SUMF1: variants seen among roughly 807,000 people sequenced by gnomAD.
SUMF1 encodes the protein sulfatase modifying factor 1, also known as formylglycine-generating enzyme.
SUMF1 carries 48 observed loss-of-function variants against 47.6 expected under a neutral mutation model. The observed-to-expected ratio is 1.01, with a 90% confidence interval of 0.80 to 1.28. The LOEUF is 1.28. Ranked by LOEUF, SUMF1 falls within the 50% of genes most tolerant of loss-of-function variation. SUMF1 has a pLI of 0.00. For missense variants in SUMF1, 571 were observed against 485.4 expected (o/e 1.18, Z -1.66); for synonymous variants, 230 against 192.1 (o/e 1.20, Z -1.63).
intron 8 of SUMF1, among the ~76,000 whole-genome samples, chr3:4,146,462 C>G (rs1336903031): frequency 6.6e-6 from 1 of 151,880 alleles, no homozygotes; most frequent in African/African-American, 2.4e-5. Context: ...CACATGAAAT[C>G]AACACTGTCA....
intron 7 of SUMF1, among the ~76,000 whole-genome samples, chr3:4,399,251 A>C (rs1701132660): frequency 6.6e-6 from 1 of 152,118 alleles, no homozygotes; most frequent in Non-Finnish European, 1.5e-5. Context: ...TAAAGTCAGG[A>C]CTATATTATA....
intron 9 of SUMF1, among the ~76,000 whole-genome samples, chr3:4,055,988 G>A (rs1439232407): frequency 1.3e-5 from 2 of 152,018 alleles, no homozygotes; most frequent in African/African-American, 4.8e-5. Context: ...TCCTGATGCT[G>A]CCATCTCTCT....
At chr3:4,320,874 C>T (rs1264623074) in intron 8 of SUMF1, among the ~76,000 whole-genome samples, 2 of 152,146 alleles carry the variant, frequency 1.3e-5, no homozygotes, top group Non-Finnish European at 2.9e-5. Flanking sequence ...GGGTGAGAAA[C>T]AAGAGAAAGC....
At chr3:4,362,399 G>C (rs1473356286) in intron 8 of SUMF1, 145 bp from the exon 9 acceptor site, 3 of 715,948 alleles carry the variant, frequency 4.2e-6, no homozygotes, top group African/African-American at 3.5e-5. Context: ...GCTTTAAAAA[G>C]GGCAGCACAT....
intron 8 of SUMF1, among the ~76,000 whole-genome samples, chr3:4,230,143 A>G (rs1430862282): frequency 6.6e-6 from 1 of 151,966 alleles, no homozygotes; most frequent in Non-Finnish European, 1.5e-5. Flanking sequence ...TACTCACAGC[A>G]CTTCCAAAAC....
chr3:4,429,059 CTGT>C (rs537722138), intron 3 of SUMF1, among the ~76,000 whole-genome samples: 2 of 152,176 alleles, frequency 1.3e-5, no homozygotes, highest in Non-Finnish European at 2.9e-5. Flanking sequence ...TCAAGTTTGT[CTGT>C]TGTTGTTTTT....
chr3:4,089,960 C>A (rs909334297), intron 8 of SUMF1, among the ~76,000 whole-genome samples: 4 of 152,084 alleles, frequency 2.6e-5, no homozygotes, highest in African/African-American at 9.7e-5. Context: ...GCACTTATTT[C>A]AGCGGTAGTT....
intron 8 of SUMF1, among the ~76,000 whole-genome samples, chr3:4,125,626 CT>C (rs1486814319): frequency 6.6e-6 from 1 of 152,134 alleles, no homozygotes; most frequent in Non-Finnish European, 1.5e-5. Flanking sequence ...ACATCTGTAA[CT>C]CTGTCAAAAG....
intron 8 of SUMF1, among the ~76,000 whole-genome samples, chr3:4,325,827 A>G (rs1347393634): frequency 6.6e-6 from 1 of 152,102 alleles, no homozygotes; most frequent in Non-Finnish European, 1.5e-5. Flanking sequence ...ATTGTAGACA[A>G]ATAATAAAAA....
intron 8 of SUMF1, among the ~76,000 whole-genome samples, chr3:4,178,609 C>T (rs557800261): frequency 2.8e-4 from 42 of 152,274 alleles, no homozygotes; most frequent in African/African-American, 9.6e-4. Flanking sequence ...AAACTGGAAG[C>T]ATTCCCTTTG....
At chr3:4,444,690 T>C (rs1349957034) in intron 3 of SUMF1, among the ~76,000 whole-genome samples, 2 of 152,102 alleles carry the variant, frequency 1.3e-5, no homozygotes, top group African/African-American at 2.4e-5. Context: ...AGAAAGGAGA[T>C]AGATGTAATA....
At chr3:4,146,638 A>T (rs1694199552) in intron 8 of SUMF1, among the ~76,000 whole-genome samples, 1 of 151,802 alleles carries the variant, frequency 6.6e-6, no homozygotes, top group Non-Finnish European at 1.5e-5. Flanking sequence ...TGCACCCAGT[A>T]ACTCGTCATT....
chr3:4,066,256 T>C lies in SUMF1; in HGVS notation c.1191+2313A>G, dbSNP rs572322912. Among the ~76,000 whole-genome samples, 13 of 152,084 alleles carry C rather than the reference T, an allele frequency of 8.5e-5. No homozygotes were observed. In the South Asian group the frequency reaches 2.7e-3, roughly 32 times the overall value. ...ATGAAATGATATCAGTTCAGTCAAC[T>C]TCCCAACAGAAACCCAAAACATGAG... is the stretch of plus-strand genomic sequence containing the variant. On this transcript the variant is annotated intron_variant and NMD_transcript_variant, in intron 9 of 12. Transcript: ENST00000448413.
intron 8 of SUMF1, among the ~76,000 whole-genome samples, chr3:4,260,630 A>C (rs1274533291): frequency 6.6e-6 from 1 of 152,112 alleles, no homozygotes; most frequent in Non-Finnish European, 1.5e-5. Flanking sequence ...AGCTACTCAG[A>C]AGGCTAAGGC....
intron 8 of SUMF1, among the ~76,000 whole-genome samples, chr3:4,115,613 C>T (rs1693404984): frequency 1.3e-5 from 2 of 152,220 alleles, no homozygotes; most frequent in South Asian, 4.1e-4. Context: ...CGAGCCACAC[C>T]CGCATCGCAC....
At chr3:4,098,944 C>T (rs1317868715) in intron 8 of SUMF1, among the ~76,000 whole-genome samples, 1 of 152,118 alleles carries the variant, frequency 6.6e-6, no homozygotes, top group Admixed American at 6.5e-5. Context: ...TTGTAGCATT[C>T]ACTTCACATC....
chr3:4,081,060 C>G (rs555259187), intron 8 of SUMF1, among the ~76,000 whole-genome samples: 2 of 152,196 alleles, frequency 1.3e-5, no homozygotes, highest in South Asian at 2.1e-4. Context: ...CAGTGACTGC[C>G]CAGGTTTCAA....
rs146772772 is a variant in SUMF1, at chr3:4,319,440, G to T, written c.1014+56890C>A. 2.3e-3 allele frequency among the ~76,000 whole-genome samples: 345 copies of T among 152,244 alleles called. 1 individual carries two copies. The highest frequency in any genetic ancestry group is 4.2e-3 in the African/African-American group (174 of 41,548). On this transcript the variant is annotated intron_variant and NMD_transcript_variant, in intron 8 of 12. Coordinates refer to the SUMF1 transcript ENST00000448413. Reference sequence around the variant, plus strand: ...TTACATAGTGAGGGAAGGAATTAAGGGGGGTAAAGAAGCAATTATGATGAA... The same window carrying T: ...TTACATAGTGAGGGAAGGAATTAAGTGGGGTAAAGAAGCAATTATGATGAA...
chr3:4,167,441 G>A (rs1359527278), intron 8 of SUMF1, among the ~76,000 whole-genome samples: 3 of 152,096 alleles, frequency 2.0e-5, no homozygotes, highest in Non-Finnish European at 4.4e-5. Flanking sequence ...ACAGAGTGCT[G>A]ATTGGTCCAT....
Sources: gnomAD v4.1 joint callset for allele counts (sites outside exome capture counted in the v4.1 genomes callset) on GRCh38, gnomAD v4.1.1 for gene constraint, MANE v1.5 for transcripts, NCBI Gene and HGNC (gene_info 2026-07-23, HGNC 2026-07-21) for gene names.